SLC13A4: variants seen among roughly 807,000 people sequenced by gnomAD.
The protein encoded by SLC13A4 is solute carrier family 13 member 4, also known as Na(+)/sulfate cotransporter SUT-1.
SLC13A4 carries 28 observed loss-of-function variants against 72.7 expected under a neutral mutation model. That is an observed-to-expected ratio of 0.39 (90% CI 0.29 to 0.53). SLC13A4 has a LOEUF of 0.53. SLC13A4 is among the 20% of genes least tolerant of loss of function. SLC13A4 has a pLI of 0.78. For synonymous variants in SLC13A4, 312 were observed against 325.5 expected (o/e 0.96, Z 0.45); for missense variants, 653 against 788.0 (o/e 0.83, Z 2.05).
intron 15 of SLC13A4, among the ~76,000 whole-genome samples, chr7:135,682,543 C>G (rs1480726904): frequency 7.2e-5 from 11 of 152,260 alleles, no homozygotes; most frequent in Admixed American, 5.9e-4. Context: ...CGTGTCCTCT[C>G]TCTCCTGCCG....
intron 4 of SLC13A4, 164 bp downstream of exon 4, chr7:135,705,964 G>A: frequency 1.6e-6 from 1 of 631,820 alleles, no homozygotes; most frequent in Non-Finnish European, 2.7e-6. Flanking sequence ...CCAAGAGCTG[G>A]GATGGGAAAG....
At chr7:135,700,625 A>G (rs922666276) in intron 7 of SLC13A4, among the ~76,000 whole-genome samples, 1 of 152,162 alleles carries the variant, frequency 6.6e-6, no homozygotes, top group Non-Finnish European at 1.5e-5. Flanking sequence ...TACACAGAAT[A>G]GTTTAAGTGT....
At chr7:135,700,416 G>C (rs1796004192) in intron 7 of SLC13A4, among the ~76,000 whole-genome samples, 1 of 152,122 alleles carries the variant, frequency 6.6e-6, no homozygotes, top group African/African-American at 2.4e-5. Context: ...AGCAAGTCAG[G>C]TCATGAAAGA....
rs773512757 is a variant in SLC13A4, at chr7:135,706,332, C to G, written c.366-32G>C. The G allele has an allele frequency of 1.1e-5, 18 of 1,569,060 alleles. No individual in the cohort carries two copies. In the South Asian group the frequency reaches 2.0e-4, roughly 17 times the overall value. ...GGCAGGGAGGGTTGGGGCAGAGCGT[C>G]CACGGAACACACATCCCTGCGGCTC... is the stretch of plus-strand genomic sequence containing the variant. On this transcript the variant is annotated intron_variant, in intron 3 of 15. Coordinates refer to ENST00000682651, the MANE Select transcript of SLC13A4 (RefSeq NM_001318192.2).
chr7:135,705,455 C>CG (rs1796137458), intron 5 of SLC13A4, 141 bp downstream of exon 5: 2 of 518,294 alleles, frequency 3.9e-6, no homozygotes, highest in African/African-American at 6.2e-5. Flanking sequence ...GGAGGTTGGG[C>CG]GGGGTGGGGG....
At chr7:135,690,202 AAAAAAG>A (rs1795746814) in intron 13 of SLC13A4, among the ~76,000 whole-genome samples, 2 of 151,200 alleles carry the variant, frequency 1.3e-5, no homozygotes, top group African/African-American at 4.9e-5. Context: ...AAAAAAAAAA[AAAAAAG>A]AGAACCAAGT....
intron 2 of SLC13A4, among the ~76,000 whole-genome samples, chr7:135,720,835 C>T (rs1317144118): frequency 2.0e-5 from 3 of 152,194 alleles, no homozygotes; most frequent in Non-Finnish European, 2.9e-5. Flanking sequence ...AGGGCTCACT[C>T]TAGGGAGGGC....
intron 13 of SLC13A4, among the ~76,000 whole-genome samples, chr7:135,689,813 T>C (rs1795735393): frequency 6.6e-6 from 1 of 152,084 alleles, no homozygotes; most frequent in African/African-American, 2.4e-5. Flanking sequence ...GGACTCATTG[T>C]TTTCTAAGGT....
chr7:135,717,662 A>G (rs2129495293), intron 2 of SLC13A4, among the ~76,000 whole-genome samples: 1 of 152,332 alleles, frequency 6.6e-6, no homozygotes, highest in East Asian at 1.9e-4. Flanking sequence ...CACTGTAAAA[A>G]TGAACCATTT....
intron 3 of SLC13A4, chr7:135,707,517 A>G (rs1424483713): frequency 6.6e-6 from 1 of 152,274 alleles, no homozygotes; most frequent in African/African-American, 2.4e-5. Flanking sequence ...TGTAAACTAG[A>G]AGGAGGTGAG....
At chr7:135,702,088 A>C in intron 6 of SLC13A4, 2 of 184,236 alleles carry the variant, frequency 1.1e-5, no homozygotes, top group Non-Finnish European at 2.2e-5. Context: ...AAAAAAAATA[A>C]TCACAAGCAA....
At chr7:135,718,858 G>A (rs557769157) in intron 2 of SLC13A4, among the ~76,000 whole-genome samples, 1 of 152,294 alleles carries the variant, frequency 6.6e-6, no homozygotes, top group South Asian at 2.1e-4. Flanking sequence ...GTGCATAGGT[G>A]GTTGTGGAAT....
Position 135,691,172 on chromosome 7 carries a change from A to C in SLC13A4, c.1446+29T>G, listed in dbSNP as rs542035011. ...GAGCAAGACTGTCTCAAAAAAAAAA[A>C]CCCCAAAAAAACAGAATTCAAGAAT... is the stretch of plus-strand genomic sequence containing the variant. On this transcript the variant is annotated intron_variant, in intron 13 of 15. Coordinates refer to ENST00000682651, the MANE Select transcript of SLC13A4 (RefSeq NM_001318192.2). 1.5e-4 allele frequency: 230 copies of C among 1,568,484 alleles called. No homozygotes were observed. The East Asian group carries it at 2.2e-3, about 15-fold the overall frequency.
chr7:135,692,016 A>C (rs1795799081), intron 11 of SLC13A4: 1 of 428,518 alleles, frequency 2.3e-6, no homozygotes, highest in African/African-American at 2.0e-5. Flanking sequence ...TGAGAAGTTG[A>C]TTTCTTCTTT....
chr7:135,718,088 C>CACACACACACACACACACACACACGT lies in SLC13A4; in HGVS notation c.228+3306_228+3307insACGTGTGTGTGTGTGTGTGTGTGTGT, dbSNP rs754511549. ...CAATTCCTACACACACACACACACA[C>CACACACACACACACACACACACACGT]GCGCGCGCGCGCACGCGTGCGCGCT... On this transcript the variant is annotated intron_variant, in intron 2 of 15. Coordinates refer to ENST00000682651, the MANE Select transcript of SLC13A4 (RefSeq NM_001318192.2). 5.3e-3 allele frequency among the ~76,000 whole-genome samples: 794 copies of CACACACACACACACACACACACACGT among 149,648 alleles called. 24 individuals carry two copies. Among genetic ancestry groups the CACACACACACACACACACACACACGT allele is most frequent in the Admixed American group, 0.035 (522 of 15,062 alleles).
chr7:135,692,980 A>C (rs1795823276), intron 10 of SLC13A4: 1 of 152,000 alleles, frequency 6.6e-6, no homozygotes, highest in South Asian at 2.1e-4. Flanking sequence ...ACGTGCCTGT[A>C]GTCCCAGTTA....
intron 2 of SLC13A4, among the ~76,000 whole-genome samples, chr7:135,718,707 A>G (rs1014971235): frequency 1.3e-5 from 2 of 152,200 alleles, no homozygotes; most frequent in Non-Finnish European, 2.9e-5. Context: ...GAACTTTCCA[A>G]AGTGGAAGAA....
chr7:135,701,031 T>C (rs1478008511), intron 7 of SLC13A4, among the ~76,000 whole-genome samples: 1 of 152,172 alleles, frequency 6.6e-6, no homozygotes, highest in Non-Finnish European at 1.5e-5. Flanking sequence ...CCCTATCTAG[T>C]TCCTTGGTCT....
intron 2 of SLC13A4, among the ~76,000 whole-genome samples, chr7:135,718,334 A>G (rs963489806): frequency 6.6e-6 from 1 of 152,196 alleles, no homozygotes; most frequent in African/African-American, 2.4e-5. Flanking sequence ...ACCCAGCCAC[A>G]GTCCCAGAGT....
Sources: allele counts gnomAD v4.1 joint callset (sites outside exome capture counted in the v4.1 genomes callset), GRCh38; gene constraint gnomAD v4.1.1; transcripts MANE v1.5; gene names NCBI Gene and HGNC (gene_info 2026-07-23, HGNC 2026-07-21).